The following CLASP1 variants were observed in gnomAD, a reference collection of about 807,000 sequenced individuals.
CLASP1 encodes cytoplasmic linker associated protein 1.
In CLASP1, 38 loss-of-function variants were observed where a neutral mutation model predicts 192.3. That is an observed-to-expected ratio of 0.20 (90% CI 0.15 to 0.26). The LOEUF (loss-of-function observed/expected upper bound fraction) is 0.26, where lower values mean the gene tolerates loss of function less well. CLASP1 is among the 10% of genes least tolerant of loss of function. The probability of loss-of-function intolerance (pLI) is 1.00; values close to 1 mark genes in which losing one functional copy is unlikely to be tolerated. For synonymous variants in CLASP1, 691 were observed against 712.8 expected (o/e 0.97, Z 0.49); for missense variants, 1,433 against 1,932.5 (o/e 0.74, Z 4.85).
intron 32 of CLASP1, among the ~76,000 whole-genome samples, chr2:121,385,863 A>G (rs1574147961): frequency 6.6e-6 from 1 of 152,252 alleles, no homozygotes; most frequent in East Asian, 1.9e-4. Context: ...AAAGTCAAGC[A>G]TATTTTCATT....
At chr2:121,429,993 A>C in intron 20 of CLASP1, 80 bp downstream of exon 20, 4 of 1,076,462 alleles carry the variant, frequency 3.7e-6, no homozygotes, top group Non-Finnish European at 4.2e-6. Context: ...AAGTCAATAT[A>C]GAGATTGTAA....
At chr2:121,618,780 A>T (rs1357122691) in intron 1 of CLASP1, among the ~76,000 whole-genome samples, 1 of 152,200 alleles carries the variant, frequency 6.6e-6, no homozygotes, top group Non-Finnish European at 1.5e-5. Context: ...GTAATTCTAG[A>T]TACTAAGAAG....
intron 25 of CLASP1, among the ~76,000 whole-genome samples, chr2:121,406,213 T>C (rs950955686): frequency 6.6e-6 from 1 of 152,224 alleles, no homozygotes; most frequent in Non-Finnish European, 1.5e-5. Context: ...TGACAAAATA[T>C]GGTATAACCA....
chr2:121,405,549 C>T (rs1305314608), intron 25 of CLASP1, among the ~76,000 whole-genome samples: 1 of 152,210 alleles, frequency 6.6e-6, no homozygotes, highest in Non-Finnish European at 1.5e-5. Context: ...AGTGTCCTCT[C>T]TTCCACAAAT....
chr2:121,449,156 G>A (rs1329264325), intron 16 of CLASP1, 36 bp from the exon 17 acceptor site: 1 of 1,598,068 alleles, frequency 6.3e-7, no homozygotes, highest in South Asian at 1.1e-5. Context: ...TCTAATTCAA[G>A]GATCCAAACA....
chr2:121,387,706 G>A (rs2073558200), intron 31 of CLASP1, 57 bp downstream of exon 32: 9 of 1,561,338 alleles, frequency 5.8e-6, no homozygotes, highest in African/African-American at 1.4e-5. Context: ...TTCTAGATAA[G>A]GGCTACGCAG....
At chr2:121,618,857 T>C (rs997034365) in intron 1 of CLASP1, among the ~76,000 whole-genome samples, 1 of 152,126 alleles carries the variant, frequency 6.6e-6, no homozygotes, top group African/African-American at 2.4e-5. Flanking sequence ...TGTACAGAAA[T>C]AAGGCCCAAC....
At position 121,612,956 on chromosome 2, in the gene CLASP1, G is replaced by A. The variant is rs531103581; in HGVS notation, c.-285-6776C>T. Among the ~76,000 whole-genome samples the A allele has an allele frequency of 2.0e-5, 3 of 152,212 alleles. No individual in the cohort carries two copies. The South Asian group carries it at 6.2e-4, about 32-fold the overall frequency. On this transcript the variant is annotated intron_variant, in intron 1 of 39. Transcript: ENST00000263710. ...ATTCAGAATGTAACACTATTTCTGA[G>A]TTTAAAAAAAAGTTCAATTTTCATA...
At chr2:121,526,738 T>A (rs1436500445) in intron 5 of CLASP1, among the ~76,000 whole-genome samples, 1 of 152,240 alleles carries the variant, frequency 6.6e-6, no homozygotes, top group African/African-American at 2.4e-5. Context: ...TAACAGTGAT[T>A]ACCTGAAGGT....
intron 2 of CLASP1, among the ~76,000 whole-genome samples, chr2:121,605,029 C>T (rs1294973323): frequency 6.6e-6 from 1 of 152,204 alleles, no homozygotes; most frequent in East Asian, 1.9e-4. Flanking sequence ...TTCAGCACTT[C>T]AAGTCCAATC....
chr2:121,561,607 A>T (rs1480086221), intron 2 of CLASP1, among the ~76,000 whole-genome samples: 1 of 152,230 alleles, frequency 6.6e-6, no homozygotes, highest in Non-Finnish European at 1.5e-5. Flanking sequence ...TTAAAAAAAA[A>T]TTGCAAAAAA....
intron 1 of CLASP1, among the ~76,000 whole-genome samples, chr2:121,645,895 G>A (rs559710362): frequency 1.3e-5 from 2 of 152,110 alleles, no homozygotes; most frequent in Admixed American, 1.3e-4. Context: ...AAAAGCCCTG[G>A]GGAGGTGAAG....
At chr2:121,440,800 A>G (rs1276423069) in intron 19 of CLASP1, among the ~76,000 whole-genome samples, 2 of 151,180 alleles carry the variant, frequency 1.3e-5, no homozygotes, top group Admixed American at 1.3e-4. Context: ...GGGAGAAAAA[A>G]AAGTCAGCAC....
intron 4 of CLASP1, 53 bp downstream of exon 4, chr2:121,528,624 G>A (rs191303832): frequency 4.7e-5 from 65 of 1,371,594 alleles, no homozygotes; most frequent in Admixed American, 1.2e-4. Context: ...ACCCTCGCAC[G>A]TGCATGCACG....
chr2:121,451,438 A>G (rs1288937980), intron 15 of CLASP1, among the ~76,000 whole-genome samples: 1 of 152,242 alleles, frequency 6.6e-6, no homozygotes, highest in African/African-American at 2.4e-5. Context: ...AAACTTTCAA[A>G]TGAGTGAAAT....
chr2:121,641,218 G>C (rs1217791249), intron 1 of CLASP1, among the ~76,000 whole-genome samples: 4 of 151,984 alleles, frequency 2.6e-5, no homozygotes, highest in Admixed American at 6.6e-5. Context: ...GTTCGTAACA[G>C]AGTCTGCCTC....
chr2:121,459,351 A>C (rs140905586), intron 12 of CLASP1, among the ~76,000 whole-genome samples: 1,557 of 152,250 alleles, frequency 0.01, 29 homozygotes, highest in African/African-American at 0.036. Flanking sequence ...AATAGCAAAC[A>C]AACTGATTAT....
At chr2:121,444,028 G>A (rs561276457) in intron 19 of CLASP1, among the ~76,000 whole-genome samples, 77 of 152,176 alleles carry the variant, frequency 5.1e-4, no homozygotes, top group Admixed American at 1.8e-3. Context: ...GAAGGTTGGT[G>A]GGTTTAAGCC....
intron 6 of CLASP1, among the ~76,000 whole-genome samples, chr2:121,519,555 A>G (rs1463524077): frequency 2.0e-5 from 3 of 152,188 alleles, no homozygotes; most frequent in Non-Finnish European, 4.4e-5. Flanking sequence ...TAAAATTAAA[A>G]CATTCTGCAG....
Sources: gnomAD v4.1 joint callset for allele counts (sites outside exome capture counted in the v4.1 genomes callset) on GRCh38, gnomAD v4.1.1 for gene constraint, MANE v1.5 for transcripts, NCBI Gene and HGNC (gene_info 2026-07-23, HGNC 2026-07-21) for gene names.